Variants in CDH13 observed in about 807,000 individuals in gnomAD.
CDH13 encodes cadherin 13.
CDH13 carries 24 observed loss-of-function variants against 63.8 expected under a neutral mutation model. The observed-to-expected ratio is 0.38, with a 90% CI of 0.27 to 0.53. The LOEUF (loss-of-function observed/expected upper bound fraction) is 0.53. CDH13 is among the 20% of genes least tolerant of loss of function. The pLI, the probability that CDH13 is intolerant of heterozygous loss-of-function variation, is 0.85. For missense variants in CDH13, 1,049 were observed against 903.1 expected, an observed-to-expected ratio of 1.16 and a Z score of -2.07; for synonymous variants, 503 against 355.3, an observed-to-expected ratio of 1.42 and a Z score of -4.67.
chr16:83,012,190 A>T (rs1914231677), intron 2 of CDH13, among the ~76,000 whole-genome samples: 1 of 151,888 alleles, frequency 6.6e-6, no homozygotes. Context: ...TAAACACAAT[A>T]TTTTTCTGAG....
intron 5 of CDH13, among the ~76,000 whole-genome samples, chr16:83,262,254 C>G (rs564406656): frequency 6.6e-6 from 1 of 152,278 alleles, no homozygotes; most frequent in East Asian, 1.9e-4. Context: ...CCCCAGACCA[C>G]ATGGGGTAAT....
rs2038786254 is a variant in CDH13 at position 83,193,455 on chromosome 16, C to T, written c.484-23890C>T. On this transcript the variant is annotated intron_variant, in intron 4 of 13. Transcript: ENST00000567109. ...AGAAGACACACATTGTATTTCTCTT[C>T]TCTTCATGGGGGTTACAGACTCCGT... Among the ~76,000 whole-genome samples the T allele has an allele frequency of 4.6e-5, 7 of 152,188 alleles. No homozygotes were observed. The South Asian group carries it at 1.4e-3, about 32-fold the overall frequency.
At chr16:83,301,024 G>GTTTTTTTTTTTTTTTTTTTTTTTTTTTTT (rs1567574870) in intron 5 of CDH13, among the ~76,000 whole-genome samples, 4 of 53,944 alleles carry the variant, frequency 7.4e-5, no homozygotes, top group African/African-American at 2.0e-4. Flanking sequence ...AACTTTCTGG[G>GTTTTTTTTTTTTTTTTTTTTTTTTTTTTT]GTTTTTTTTT....
At chr16:83,255,756 C>T (rs898952367) in intron 5 of CDH13, among the ~76,000 whole-genome samples, 3 of 152,152 alleles carry the variant, frequency 2.0e-5, no homozygotes, top group East Asian at 1.9e-4. Context: ...GGACTGGGTT[C>T]ACATCCCAAC....
chr16:83,444,876 C>G (rs1030342565), intron 6 of CDH13, among the ~76,000 whole-genome samples: 1 of 240 alleles, frequency 4.2e-3, no homozygotes, highest in Non-Finnish European at 0.1. Flanking sequence ...GCGCTTTCCT[C>G]TGATGAAGGG....
chr16:83,072,563 T>A (rs2032517864), intron 3 of CDH13, among the ~76,000 whole-genome samples: 1 of 152,164 alleles, frequency 6.6e-6, no homozygotes, highest in Non-Finnish European at 1.5e-5. Flanking sequence ...GTCAATGGGA[T>A]CACAAACTTG....
intron 5 of CDH13, among the ~76,000 whole-genome samples, chr16:83,267,272 C>T (rs894321135): frequency 1.3e-5 from 2 of 152,146 alleles, no homozygotes; most frequent in African/African-American, 4.8e-5. Flanking sequence ...AATTCCCCAC[C>T]TCCGCAGCAT....
intron 2 of CDH13, among the ~76,000 whole-genome samples, chr16:82,976,023 T>C (rs1181348295): frequency 2.0e-5 from 3 of 152,138 alleles, no homozygotes; most frequent in Non-Finnish European, 4.4e-5. Flanking sequence ...AAGGATTCTG[T>C]GTTGTGAAGA....
chr16:83,476,392 G>T (rs552380167), intron 6 of CDH13, among the ~76,000 whole-genome samples: 25 of 152,310 alleles, frequency 1.6e-4, no homozygotes, highest in Non-Finnish European at 3.1e-4. Context: ...TCTTAAATTG[G>T]CTGGGCGCAG....
chr16:83,230,717 G>A (rs1450265645), intron 5 of CDH13, among the ~76,000 whole-genome samples: 1 of 152,190 alleles, frequency 6.6e-6, no homozygotes, highest in East Asian at 1.9e-4. Context: ...AACCCAGGAG[G>A]TGGAGGTAGT....
At chr16:83,352,626 C>T (rs868130147) in intron 6 of CDH13, among the ~76,000 whole-genome samples, 10 of 152,212 alleles carry the variant, frequency 6.6e-5, no homozygotes, top group Non-Finnish European at 1.5e-4. Flanking sequence ...TGCGGTGGCT[C>T]ACGCCTATAA....
chr16:82,890,623 A>C (rs949878715), intron 2 of CDH13, among the ~76,000 whole-genome samples: 49 of 151,798 alleles, frequency 3.2e-4, no homozygotes, highest in African/African-American at 1.2e-3. Flanking sequence ...TCTTCATACA[A>C]ACTATAAATT....
chr16:83,196,853 G>A (rs2038893155), intron 4 of CDH13, among the ~76,000 whole-genome samples: 2 of 152,286 alleles, frequency 1.3e-5, no homozygotes, highest in South Asian at 2.1e-4. Flanking sequence ...AATGTAGAGT[G>A]GTACAGCCAG....
rs147921940 is a variant in CDH13, at chr16:83,400,537, A to C, written c.781+55531A>C. Among the ~76,000 whole-genome samples the C allele has an allele frequency of 3.9e-5, 6 of 152,322 alleles. No homozygotes were observed. In the East Asian group the frequency reaches 1.2e-3, roughly 29 times the overall value. ...ACCCTGGGTTCTCCCCAATGCTTTCAAGACATAGTAGGTTGGAGCAAAAGT... is the reference window on the plus strand; with the variant it reads ...ACCCTGGGTTCTCCCCAATGCTTTCCAGACATAGTAGGTTGGAGCAAAAGT... On this transcript the variant is annotated intron_variant, in intron 6 of 13. Coordinates refer to ENST00000567109, the MANE Select transcript of CDH13 (RefSeq NM_001257.5).
chr16:83,622,389 C>T (rs1012615750), intron 8 of CDH13, among the ~76,000 whole-genome samples: 3 of 152,158 alleles, frequency 2.0e-5, no homozygotes, highest in African/African-American at 7.2e-5. Flanking sequence ...AGAAATCAGG[C>T]CCCCAAAAGA....
At chr16:83,292,213 C>G (rs1475599515) in intron 5 of CDH13, among the ~76,000 whole-genome samples, 1 of 152,214 alleles carries the variant, frequency 6.6e-6, no homozygotes, top group African/African-American at 2.4e-5. Flanking sequence ...CCAATTAATA[C>G]ACAGTTGTAA....
Position 83,403,467 on chromosome 16 carries a change from C to CA in CDH13, c.781+58467dup, listed in dbSNP as rs537918153. Among the ~76,000 whole-genome samples the CA allele has an allele frequency of 6.5e-4, 99 of 152,110 alleles. 1 individual carries two copies. Among genetic ancestry groups the CA allele is most frequent in the South Asian group, 1.5e-3 (7 of 4,800 alleles). ...TGAAACCCCATCTCTACTAAAAACA[C>CA]AAAAAATTAGCCAGGTGTGGTCGCG... On this transcript the variant is annotated intron_variant, in intron 6 of 13. Transcript: ENST00000567109.
chr16:83,753,829 A>T (rs1044823195), intron 11 of CDH13, among the ~76,000 whole-genome samples: 12 of 152,032 alleles, frequency 7.9e-5, no homozygotes, highest in African/African-American at 2.9e-4. Context: ...AATCTAGTTA[A>T]ATTATAAAAA....
chr16:83,343,433 A>G (rs536807077), intron 5 of CDH13, among the ~76,000 whole-genome samples: 2 of 152,368 alleles, frequency 1.3e-5, no homozygotes, highest in East Asian at 1.9e-4. Flanking sequence ...AGAAATAACA[A>G]TGCAGTGAAT....
Sources: gnomAD v4.1 joint callset for allele counts (sites outside exome capture counted in the v4.1 genomes callset) on GRCh38, gnomAD v4.1.1 for gene constraint, MANE v1.5 for transcripts, NCBI Gene and HGNC (gene_info 2026-07-23, HGNC 2026-07-21) for gene names.